Variants in PSG11 observed in about 807,000 individuals in gnomAD.
PSG11 encodes pregnancy-specific beta-1-glycoprotein 11.
Under a neutral mutation model 36.0 loss-of-function variants are expected in PSG11, and 42 were observed. The ratio of observed to expected loss-of-function variants is 1.17; its 90% CI spans 0.91 to 1.51. The LOEUF (loss-of-function observed/expected upper bound fraction) is 1.51, where lower values mean the gene tolerates loss of function less well. Ranked by LOEUF, PSG11 falls within the 40% of genes most tolerant of loss-of-function variation. The pLI is 0.00. For missense variants in PSG11, 558 were observed against 403.5 expected, an observed-to-expected ratio of 1.38 and a Z score of -3.28; for synonymous variants, 206 against 153.5, an observed-to-expected ratio of 1.34 and a Z score of -2.53.
chr19:43,017,691 C>G (rs1326578193), intron 3 of PSG11: 1 of 151,302 alleles, frequency 6.6e-6, no homozygotes, highest in Non-Finnish European at 1.5e-5. Flanking sequence ...CTGCAACTCA[C>G]TTTGGGTAGT....
At chr19:43,014,892 C>G in intron 4 of PSG11, 1 of 1,403,582 alleles carries the variant, frequency 7.1e-7, no homozygotes, top group South Asian at 1.5e-5. Context: ...AAAGCCCCCT[C>G]CCTACCTTTC....
At chr19:43,009,874 G>A in intron 5 of PSG11, 84 bp downstream of exon 5, 1 of 1,106,332 alleles carries the variant, frequency 9.0e-7, no homozygotes, top group Non-Finnish European at 1.4e-6. Flanking sequence ...TCCAGGCCCA[G>A]ATACAGGCAA....
At chr19:43,009,582 A>G (rs1255459000) in intron 5 of PSG11, among the ~76,000 whole-genome samples, 2 of 151,484 alleles carry the variant, frequency 1.3e-5, no homozygotes, top group African/African-American at 4.9e-5. Flanking sequence ...ATATGCAAGG[A>G]ACATTTCAAA....
chr19:43,011,327 C>A (rs546988528), intron 4 of PSG11, among the ~76,000 whole-genome samples: 26 of 151,180 alleles, frequency 1.7e-4, no homozygotes, highest in African/African-American at 5.9e-4. Flanking sequence ...ACTGTAAACT[C>A]TTACATTAAA....
chr19:43,014,578 A>G (rs746811997), intron 4 of PSG11: 1 of 1,007,060 alleles, frequency 9.9e-7, no homozygotes, highest in Non-Finnish European at 1.2e-6. Flanking sequence ...TTCTCCACAC[A>G]TGCTGGTCCC....
At chr19:43,010,996 C>A (rs1346210151) in intron 4 of PSG11, among the ~76,000 whole-genome samples, 4 of 150,414 alleles carry the variant, frequency 2.7e-5, no homozygotes, top group African/African-American at 7.4e-5. Flanking sequence ...TCATTTAATC[C>A]ACACAATAAC....
At position 43,015,140 on chromosome 19, in the gene PSG11, T is replaced by A. The variant is rs779084920; in HGVS notation, c.940A>T (p.Thr314Ser). 1.9e-6 allele frequency: 3 copies of A among 1,612,048 alleles called. No homozygotes were observed. The highest frequency in any genetic ancestry group is 2.5e-6 in the Non-Finnish European group (3 of 1,178,984). The change falls in exon 4 of 6, where the codon ACA becomes TCA. Residue 314 changes from threonine to serine, a missense_variant. Transcript: ENST00000320078. ...RNSATGEESS[T>S]SLTIRVIAPP... is the part of the protein sequence containing the mutation. ...CCAATGACTCTGATTGTCAAGGATG[T>A]GGAGCTTTCCTCGCCAGTGGCTGAG... is the stretch of plus-strand genomic sequence containing the variant.
chr19:43,010,507 C>T, intron 4 of PSG11: 4 of 828,506 alleles, frequency 4.8e-6, no homozygotes, highest in Non-Finnish European at 5.5e-6. Context: ...CTACAGGCTC[C>T]CAGGAAGGGT....
chr19:43,022,385 C>A (rs1967122069), intron 2 of PSG11, among the ~76,000 whole-genome samples: 1 of 151,196 alleles, frequency 6.6e-6, no homozygotes, highest in African/African-American at 2.4e-5. Context: ...GATTCAAGCA[C>A]AAACAGATCA....
At position 43,018,856 on chromosome 19, in the gene PSG11, G is replaced by A. The variant is rs1259723286; in HGVS notation, c.623C>T (p.Thr208Ile). ...TNRTLFLFGV[T>I]KYTAGPYECE... ...TTCATAGGGTCCTGCAGTATACTTT[G>A]TGACACCAAATAGAAAGAGGGTCCT... Residue 208 changes from threonine to isoleucine, a missense_variant, in exon 3 of 6, where the codon ACA (threonine) becomes ATA (isoleucine). Thr to Ile is a moderately conservative substitution (Grantham distance 89, BLOSUM62 -1). Coordinates refer to ENST00000320078, the MANE Select transcript of PSG11 (RefSeq NM_002785.3). 8.1e-6 allele frequency: 13 copies of A among 1,612,106 alleles called. No individual in the cohort carries two copies. Among genetic ancestry groups the A allele is most frequent in the Non-Finnish European group, 1.1e-5 (13 of 1,179,056 alleles).
intron 3 of PSG11, chr19:43,015,932 G>C (rs776125966): frequency 6.2e-7 from 1 of 1,609,912 alleles, no homozygotes; most frequent in African/African-American, 1.3e-5. Flanking sequence ...TGACAATTTA[G>C]CCACCAAATG....
chr19:43,015,710 G>A (rs963364910), intron 3 of PSG11: 12 of 1,597,564 alleles, frequency 7.5e-6, no homozygotes, highest in Non-Finnish European at 8.5e-7. Context: ...GAGAGGCCTG[G>A]CCCCTGGTCG....
At chr19:43,015,828 T>C (rs1324237222) in intron 3 of PSG11, 4 of 1,607,778 alleles carry the variant, frequency 2.5e-6, no homozygotes, top group East Asian at 2.2e-5. Context: ...GTATTTCACA[T>C]TGATAGGGTC....
At chr19:43,025,755 A>T (rs1270378801) in intron 1 of PSG11, among the ~76,000 whole-genome samples, 1 of 148,690 alleles carries the variant, frequency 6.7e-6, no homozygotes, top group Non-Finnish European at 1.5e-5. Flanking sequence ...AGTTATTATT[A>T]TCATTTTTCA....
rs531767197 is a variant in PSG11, at chr19:43,010,354, G to C, written c.965-313C>G. On this transcript the variant is annotated intron_variant, in intron 4 of 5. Coordinates refer to ENST00000320078, the MANE Select transcript of PSG11 (RefSeq NM_002785.3). ...ACTTGTCACCTTTGCACCTTTTCAT[G>C]GTTGCATCTTTTTCTCAGTGTCTCT... is the stretch of plus-strand genomic sequence containing the variant. 8.5e-6 allele frequency: 13 copies of C among 1,531,048 alleles called. No individual in the cohort carries two copies. The African/African-American group carries it at 1.4e-4, about 17-fold the overall frequency. 94.8% of individuals were successfully genotyped at this position (1,531,048 alleles called of 1,614,324 possible).
intron 3 of PSG11, chr19:43,018,492 C>G: frequency 1.4e-6 from 1 of 714,536 alleles, no homozygotes; most frequent in Non-Finnish European, 2.2e-6. Context: ...GCCAAATCCT[C>G]GCTGTGTTCA....
At chr19:43,012,954 C>A (rs1306159447) in intron 4 of PSG11, among the ~76,000 whole-genome samples, 4 of 151,354 alleles carry the variant, frequency 2.6e-5, no homozygotes, top group East Asian at 3.9e-4. Flanking sequence ...AATGAAATAT[C>A]ATAGCCCAGA....
intron 3 of PSG11, chr19:43,015,990 C>T: frequency 6.2e-7 from 1 of 1,610,140 alleles, no homozygotes. Flanking sequence ...TTAAGACATC[C>T]TTATTCTCCC....
rs1966930320 is a variant in PSG11, at chr19:43,015,251, C to G, written c.829G>C (p.Gly277Arg). 2.5e-6 allele frequency: 4 copies of G among 1,611,404 alleles called. 1 individual carries two copies. In the South Asian group the frequency reaches 3.3e-5, roughly 13 times the overall value. ...PPAQYSWTIN[G>R]KFQLSGQKLF... is the part of the protein sequence containing the mutation. The stretch of plus-strand genomic sequence containing the variant: ...TTTTGTCCTGATAGCTGAAACTTCC[C>G]ATTAATTGTCCAAGAATACTGTGCT... The change falls in exon 4 of 6, where the codon GGG becomes CGG. Residue 277 changes from glycine to arginine, a missense_variant. Coordinates refer to ENST00000320078, the MANE Select transcript of PSG11 (RefSeq NM_002785.3).
Sources: gnomAD v4.1 joint callset for allele counts (sites outside exome capture counted in the v4.1 genomes callset) on GRCh38, gnomAD v4.1.1 for gene constraint, MANE v1.5 for transcripts, NCBI Gene and HGNC (gene_info 2026-07-23, HGNC 2026-07-21) for gene names.